FLT3: variants seen among roughly 807,000 people sequenced by gnomAD.
FLT3 encodes the protein fms related receptor tyrosine kinase 3.
In FLT3, 46 loss-of-function variants were observed where a neutral mutation model predicts 126.6. That is an observed-to-expected ratio of 0.36 (90% CI 0.29 to 0.46). The LOEUF (loss-of-function observed/expected upper bound fraction) is 0.46, where lower values mean the gene tolerates loss of function less well. Among genes scored for constraint, FLT3 ranks in the 20% least tolerant of loss-of-function variants. FLT3 has a pLI of 1.00. For synonymous variants in FLT3, 404 were observed against 434.4 expected (o/e 0.93, Z 0.87); for missense variants, 1,069 against 1,190.3 (o/e 0.90, Z 1.50).
chr13:28,025,577 C>A lies in FLT3; in HGVS notation c.2208-634G>T, dbSNP rs117393774. On this transcript the variant is annotated intron_variant, in intron 17 of 23. Transcript: ENST00000241453. Reference sequence around the variant, plus strand: ...TTTACATATCTTTAGGAAATGGCTTCATGCTTTCAGACCACAAATATTCCA... The same window carrying A: ...TTTACATATCTTTAGGAAATGGCTTAATGCTTTCAGACCACAAATATTCCA... 7.4e-4 allele frequency among the ~76,000 whole-genome samples: 112 copies of A among 152,310 alleles called. 1 individual carries two copies. In the East Asian group the frequency reaches 0.021, roughly 29 times the overall value.
At chr13:28,044,267 G>A (rs111736205) in intron 9 of FLT3, among the ~76,000 whole-genome samples, 3,194 of 151,960 alleles carry the variant, frequency 0.021, 97 homozygotes, top group African/African-American at 0.071. Context: ...TGGCCAACAT[G>A]GCAAAACCCC....
chr13:28,072,821 G>A (rs1199440240), intron 1 of FLT3, among the ~76,000 whole-genome samples: 1 of 151,494 alleles, frequency 6.6e-6, no homozygotes, highest in Non-Finnish European at 1.5e-5. Context: ...GGCTAACGTG[G>A]TGAAACCCCG....
intron 8 of FLT3, 63 bp from the exon 9 acceptor site, chr13:28,048,506 A>C (rs1875110464): frequency 8.9e-7 from 1 of 1,120,080 alleles, no homozygotes; most frequent in Non-Finnish European, 1.3e-6. Context: ...CGTATTGAGA[A>C]GATAAAATAA....
At chr13:28,037,074 AAC>A (rs1481575648) in intron 10 of FLT3, 109 bp downstream of exon 10, 1 of 655,580 alleles carries the variant, frequency 1.5e-6, no homozygotes, top group South Asian at 1.8e-5. Context: ...AGCGTACAAA[AAC>A]AGTTTTGTAG....
intron 9 of FLT3, among the ~76,000 whole-genome samples, chr13:28,039,856 ATTTTATGTAATTT>A (rs1212237391): frequency 2.0e-5 from 3 of 151,772 alleles, no homozygotes; most frequent in Non-Finnish European, 4.4e-5. Flanking sequence ...CCTTAATTTT[ATTTTATGTAATTT>A]TTCTGTACAG....
intron 1 of FLT3, among the ~76,000 whole-genome samples, chr13:28,099,956 C>T (rs752152421): frequency 6.6e-6 from 1 of 152,200 alleles, no homozygotes; most frequent in Non-Finnish European, 1.5e-5. Flanking sequence ...ATGACTCGCT[C>T]TAGGGGAGAA....
At chr13:28,034,443 A>T (rs749557420) in intron 12 of FLT3, 36 bp from the exon 13 acceptor site, 1 of 1,407,218 alleles carries the variant, frequency 7.1e-7, no homozygotes, top group Admixed American at 1.7e-5. Flanking sequence ...GATGAAACAG[A>T]ATTCCTGTGT....
At chr13:28,069,772 C>T (rs1220635164) in intron 2 of FLT3, among the ~76,000 whole-genome samples, 1 of 152,074 alleles carries the variant, frequency 6.6e-6, no homozygotes, top group Non-Finnish European at 1.5e-5. Context: ...TATTATAAAG[C>T]ATTTGCATCG....
rs540069478 is a variant in FLT3 at position 28,063,002 on chromosome 13, G to T, written c.166-933C>A. Among the ~76,000 whole-genome samples the T allele has an allele frequency of 2.0e-5, 3 of 152,214 alleles. No homozygotes were observed. In the South Asian group the frequency reaches 6.2e-4, roughly 32 times the overall value. ...TGTATCACCCCTAGCAAACTAATCA[G>T]ACCGTAATTATAAAATCTATAATAT... On this transcript the variant is annotated intron_variant, in intron 2 of 23. Coordinates refer to ENST00000241453, the MANE Select transcript of FLT3 (RefSeq NM_004119.3).
chr13:28,043,576 C>T (rs574907741), intron 9 of FLT3, among the ~76,000 whole-genome samples: 71 of 152,260 alleles, frequency 4.7e-4, no homozygotes, highest in African/African-American at 1.5e-3. Context: ...AAATACTGTA[C>T]TTCACAAACC....
chr13:28,060,488 G>GA (rs1282509873), intron 3 of FLT3, among the ~76,000 whole-genome samples: 1 of 144,156 alleles, frequency 6.9e-6, no homozygotes, highest in Non-Finnish European at 1.5e-5. Flanking sequence ...AAAGAAAAAG[G>GA]AAAAAAAATC....
intron 1 of FLT3, among the ~76,000 whole-genome samples, chr13:28,089,741 T>C (rs1215765058): frequency 6.7e-6 from 1 of 148,716 alleles, no homozygotes; most frequent in East Asian, 1.9e-4. Context: ...GAGGGAACTT[T>C]TTTTTTTTTT....
intron 1 of FLT3, among the ~76,000 whole-genome samples, chr13:28,092,869 A>G (rs1879207318): frequency 6.9e-6 from 1 of 144,948 alleles, no homozygotes; most frequent in Non-Finnish European, 1.5e-5. Flanking sequence ...ACATACACAC[A>G]CAGAGGGAAG....
intron 9 of FLT3, 62 bp from the exon 10 acceptor site, chr13:28,037,350 T>C (rs1873926668): frequency 2.1e-6 from 2 of 960,922 alleles, no homozygotes; most frequent in South Asian, 1.3e-5. Flanking sequence ...CTGCAACTAA[T>C]GACAGTGTGC....
intron 1 of FLT3, among the ~76,000 whole-genome samples, chr13:28,080,532 T>C (rs1167097564): frequency 6.6e-6 from 1 of 152,208 alleles, no homozygotes; most frequent in Non-Finnish European, 1.5e-5. Context: ...CTTTGTATTA[T>C]TGAGTTTTGA....
At chr13:28,020,716 C>T (rs549357474) in intron 19 of FLT3, among the ~76,000 whole-genome samples, 55 of 152,196 alleles carry the variant, frequency 3.6e-4, no homozygotes, top group Middle Eastern at 3.4e-3. Context: ...TCTTCGAGCC[C>T]AGGAGTCATA....
At chr13:28,031,726 C>T (rs1248534432) in intron 15 of FLT3, among the ~76,000 whole-genome samples, 1 of 152,100 alleles carries the variant, frequency 6.6e-6, no homozygotes, top group East Asian at 1.9e-4. Context: ...AAAGGCCCCA[C>T]AGTGGGTGGG....
chr13:28,011,703 C>CCT (rs1871390500), intron 23 of FLT3, among the ~76,000 whole-genome samples: 1 of 79,960 alleles, frequency 1.3e-5, no homozygotes, highest in Non-Finnish European at 3.1e-5. Flanking sequence ...TCCTTTCTTT[C>CCT]TCTTTTTCTC....
At chr13:28,026,756 T>G (rs2137649964) in intron 17 of FLT3, among the ~76,000 whole-genome samples, 1 of 152,348 alleles carries the variant, frequency 6.6e-6, no homozygotes, top group Middle Eastern at 3.4e-3. Flanking sequence ...TTGGAAAAAG[T>G]CTTCATTCTT....
Sources: allele counts gnomAD v4.1 joint callset (sites outside exome capture counted in the v4.1 genomes callset), GRCh38; gene constraint gnomAD v4.1.1; transcripts MANE v1.5; gene names NCBI Gene and HGNC (gene_info 2026-07-23, HGNC 2026-07-21).